Variants in GPHN observed in about 807,000 individuals in gnomAD.
GPHN encodes the protein gephyrin.
Under a neutral mutation model 95.5 loss-of-function variants are expected in GPHN, and 17 were observed. The ratio of observed to expected loss-of-function variants is 0.18; its 90% CI spans 0.12 to 0.27. GPHN has a LOEUF of 0.27. GPHN is among the 10% of genes least tolerant of loss of function. The probability of loss-of-function intolerance (pLI) is 1.00; values close to 1 mark genes in which losing one functional copy is unlikely to be tolerated. For missense variants in GPHN, 660 were observed against 978.1 expected (o/e 0.67, Z 4.34); for synonymous variants, 320 against 322.5 (o/e 0.99, Z 0.08).
At chr14:67,333,039 TGAGGATAAGATG>T in the GPHN span, 1 of 1,250,766 alleles carries the variant, frequency 8.0e-7, no homozygotes, top group South Asian at 1.4e-5. Context: ...GCAGCAAGAT[TGAGGATAAGATG>T]GAAGGCAGCA....
chr14:67,561,884 AAAG>A, the GPHN span: 6 of 1,205,190 alleles, frequency 5.0e-6, no homozygotes, highest in East Asian at 2.4e-5. Flanking sequence ...AAAAAAAAAA[AAAG>A]AATTGAAAAA....
rs79138411 is a variant in GPHN, at chr14:67,090,388, G to A, written c.1237+1313G>A. Among the ~76,000 whole-genome samples the A allele has an allele frequency of 2.0e-4, 30 of 152,190 alleles. No individual in the cohort carries two copies. In the East Asian group the frequency reaches 5.6e-3, roughly 28 times the overall value. On this transcript the variant is annotated intron_variant, in intron 12 of 22. Coordinates refer to ENST00000478722, the MANE Select transcript of GPHN (RefSeq NM_020806.5). ...AAGAAAATTTGATACCTGACCTCAT[G>A]TGAAGGGTCACCATAAAAACACACT... is the stretch of plus-strand genomic sequence containing the variant.
chr14:67,400,948 C>A, the GPHN span, among the ~76,000 whole-genome samples: 1 of 151,192 alleles, frequency 6.6e-6, no homozygotes, highest in Admixed American at 6.6e-5. Context: ...TATGATCACA[C>A]CACAGCACTC....
the GPHN span, among the ~76,000 whole-genome samples, chr14:67,671,525 C>CA: frequency 6.6e-6 from 1 of 150,574 alleles, no homozygotes; most frequent in Non-Finnish European, 1.5e-5. Context: ...GACTCTATCT[C>CA]AAAAAAACAA....
the GPHN span, among the ~76,000 whole-genome samples, chr14:67,353,276 A>G: frequency 2.0e-5 from 3 of 152,150 alleles, no homozygotes; most frequent in Non-Finnish European, 4.4e-5. Flanking sequence ...CCATCAAGAG[A>G]TGACTGGGTC....
chr14:66,949,250 G>A (rs10132565), intron 8 of GPHN, among the ~76,000 whole-genome samples: 46,332 of 151,830 alleles, frequency 0.31, 10,800 homozygotes, highest in African/African-American at 0.63. Flanking sequence ...ACACGCAGCT[G>A]ATTTTTGTAT....
intron 17 of GPHN, 33 bp downstream of exon 17, chr14:67,122,410 A>G (rs751809127): frequency 3.8e-6 from 6 of 1,598,594 alleles, no homozygotes; most frequent in Non-Finnish European, 5.1e-6. Context: ...AAAAGTTTGT[A>G]TTGTACAAAT....
At chr14:67,691,095 G>T in the GPHN span, 1 of 1,310,990 alleles carries the variant, frequency 7.6e-7, no homozygotes, top group South Asian at 1.2e-5. Flanking sequence ...TTCCCAAAGA[G>T]AATTTTGGGT....
the GPHN span, chr14:67,353,758 TG>T: frequency 6.5e-6 from 1 of 152,716 alleles, no homozygotes; most frequent in African/African-American, 2.4e-5. Flanking sequence ...CCCAAAGTAC[TG>T]GGATTACAGG....
chr14:67,261,969 G>A, the GPHN span, among the ~76,000 whole-genome samples: 2 of 152,124 alleles, frequency 1.3e-5, no homozygotes, highest in Non-Finnish European at 2.9e-5. Flanking sequence ...TTTGAAGGAA[G>A]CATGTAGTCA....
chr14:66,562,544 G>T (rs2060303328), intron 1 of GPHN, among the ~76,000 whole-genome samples: 1 of 152,110 alleles, frequency 6.6e-6, no homozygotes, highest in Admixed American at 6.6e-5. Flanking sequence ...ATACACAGGA[G>T]AGTACTCAAT....
intron 1 of GPHN, among the ~76,000 whole-genome samples, chr14:66,552,593 C>A (rs1293202876): frequency 6.6e-6 from 1 of 152,176 alleles, no homozygotes; most frequent in Non-Finnish European, 1.5e-5. Flanking sequence ...TTCAGCATTT[C>A]TTACAATGTA....
At chr14:66,880,162 T>C in intron 5 of GPHN, 129 bp downstream of exon 5, 1 of 698,542 alleles carries the variant, frequency 1.4e-6, no homozygotes, top group Non-Finnish European at 2.6e-6. Context: ...TCTTAGCTTA[T>C]ACTAATCACT....
At chr14:67,487,552 A>C in the GPHN span, among the ~76,000 whole-genome samples, 33 of 152,220 alleles carry the variant, frequency 2.2e-4, no homozygotes, top group Middle Eastern at 3.2e-3. Context: ...GGGCGGTCAG[A>C]ACCTCATGGA....
chr14:67,367,083 G>C, the GPHN span, among the ~76,000 whole-genome samples: 1 of 152,064 alleles, frequency 6.6e-6, no homozygotes, highest in African/African-American at 2.4e-5. Flanking sequence ...CCAAATCTCT[G>C]GTTTGTCCCT....
intron 18 of GPHN, among the ~76,000 whole-genome samples, chr14:67,145,767 A>T (rs1034083355): frequency 6.6e-6 from 1 of 152,214 alleles, no homozygotes; most frequent in African/African-American, 2.4e-5. Context: ...TACTAAAAAG[A>T]CAGGGAAATC....
chr14:66,618,336 C>T (rs2063138420), intron 1 of GPHN, among the ~76,000 whole-genome samples: 1 of 152,096 alleles, frequency 6.6e-6, no homozygotes, highest in Admixed American at 6.5e-5. Context: ...TGTCTACCTC[C>T]CAAAGTGCTA....
At chr14:66,559,574 T>G (rs2060145368) in intron 1 of GPHN, among the ~76,000 whole-genome samples, 1 of 151,832 alleles carries the variant, frequency 6.6e-6, no homozygotes, top group Admixed American at 6.6e-5. Flanking sequence ...ACACCCAGTT[T>G]TTGATGTGGT....
At chr14:67,031,417 G>A (rs1006372133) in intron 10 of GPHN, among the ~76,000 whole-genome samples, 2 of 152,068 alleles carry the variant, frequency 1.3e-5, no homozygotes, top group African/African-American at 4.8e-5. Context: ...GACAATAGCT[G>A]CTTACCATCA....
Sources: allele counts gnomAD v4.1 joint callset (sites outside exome capture counted in the v4.1 genomes callset), GRCh38; gene constraint gnomAD v4.1.1; transcripts MANE v1.5; gene names NCBI Gene and HGNC (gene_info 2026-07-23, HGNC 2026-07-21).